SH3TC1: variants seen among roughly 807,000 people sequenced by gnomAD.
The protein encoded by SH3TC1 is SH3 domain and tetratricopeptide repeats 1, also known as SH3 domain and tetratricopeptide repeat-containing protein 1.
Under a neutral mutation model 117.3 loss-of-function variants are expected in SH3TC1, and 135 were observed. The ratio of observed to expected loss-of-function variants is 1.15; its 90% CI spans 1.00 to 1.33. The LOEUF (loss-of-function observed/expected upper bound fraction) is 1.33. SH3TC1 is among the 40% of genes most tolerant of loss of function. The pLI is 0.00. For synonymous variants in SH3TC1, 898 were observed against 816.9 expected (o/e 1.10, Z -1.69); for missense variants, 2,092 against 1,794.3 (o/e 1.17, Z -3.00).
intron 17 of SH3TC1, among the ~76,000 whole-genome samples, chr4:8,239,949 CG>C (rs1409863325): frequency 1.3e-5 from 2 of 152,218 alleles, no homozygotes; most frequent in Admixed American, 6.5e-5. Context: ...GTGTGTGGGG[CG>C]GGGCCGTGAG....
rs201960498 is a variant in SH3TC1 at position 8,227,720 on chromosome 4, G to A, written c.2026G>A (p.Val676Met). The A allele has an allele frequency of 1.7e-5, 27 of 1,584,664 alleles. No individual in the cohort carries two copies. The East Asian group carries it at 2.2e-4, about 13-fold the overall frequency. ...CTGCTTCCTGCTGGCCAGGCACCAC[G>A]TGCACCTCAAGCAGCCCGAGGAGGC... is the stretch of plus-strand genomic sequence containing the variant. Reference protein sequence around the residue: ...RACFLLARHHVHLKQPEEALP... With the variant: ...RACFLLARHHMHLKQPEEALP... The change falls in exon 12 of 18, where the codon GTG becomes ATG. Residue 676 changes from valine (V) to methionine (M), a missense_variant. Coordinates refer to ENST00000245105, the MANE Select transcript of SH3TC1 (RefSeq NM_018986.5).
chr4:8,219,142 G>A (rs1719641291), intron 8 of SH3TC1, among the ~76,000 whole-genome samples, 193 bp from the exon 9 acceptor site: 1 of 152,212 alleles, frequency 6.6e-6, no homozygotes, highest in Non-Finnish European at 1.5e-5. Flanking sequence ...CTTCAACAGA[G>A]GGATAAAAAC....
chr4:8,234,723 A>G (rs990344398), intron 14 of SH3TC1, among the ~76,000 whole-genome samples: 5 of 152,094 alleles, frequency 3.3e-5, no homozygotes, highest in African/African-American at 1.2e-4. Flanking sequence ...ATCCTCCCCC[A>G]ATGGCCAGCA....
Position 8,232,087 on chromosome 4 carries a change from CCGA to C in SH3TC1, c.3064_3066del (p.Asp1022del), listed in dbSNP as rs774050340. ...CAGCTCTCCCTGGCCTGCAAGGTGG[CCGA>C]CAAGGTGCTGGAGGGGCAGCTCCTG... On this transcript the variant is annotated inframe_deletion, in exon 13 of 18. Transcript: ENST00000245105. 1.0e-4 allele frequency: 168 copies of C among 1,613,268 alleles called. No homozygotes were observed. The highest frequency in any genetic ancestry group is 1.6e-4 in the Middle Eastern group (1 of 6,062).
rs1212761480 is a variant in SH3TC1, at chr4:8,217,158, C to T, written c.830C>T (p.Pro277Leu). ...GCGGCCGCCCCGGAGCCTTTGATTCCATTTCATCAGTAGGTACCGGCCTTT... is the reference window on the plus strand; with the variant it reads ...GCGGCCGCCCCGGAGCCTTTGATTCTATTTCATCAGTAGGTACCGGCCTTT... ...AVAAAPEPLI[P>L]FHQWALRIPQ... The change falls in exon 7 of 18, where the codon CCA becomes CTA. Residue 277 changes from proline (P) to leucine (L), a missense_variant. By Grantham distance (98) the Pro-to-Leu change is moderately conservative. Transcript: ENST00000245105. 1.2e-6 allele frequency: 2 copies of T among 1,607,774 alleles called. No homozygotes were observed. Among genetic ancestry groups the T allele is most frequent in the East Asian group, 2.2e-5 (1 of 44,578 alleles).
intron 8 of SH3TC1, 37 bp from the exon 9 acceptor site, chr4:8,219,298 G>A (rs753033560): frequency 2.0e-6 from 3 of 1,506,668 alleles, no homozygotes; most frequent in Admixed American, 4.3e-5. Context: ...CCCCCATTTG[G>A]TCTCCCTGGC....
At chr4:8,233,194 T>C in intron 13 of SH3TC1, 169 bp from the exon 14 acceptor site, 15 of 1,403,810 alleles carry the variant, frequency 1.1e-5, no homozygotes, top group Non-Finnish European at 1.3e-5. Context: ...CCTTGCCGTG[T>C]GTGTTCAACC....
In SH3TC1 at chr4:8,209,736, G is replaced by A. The variant is rs777895611; in HGVS notation, c.173-12G>A. On this transcript the variant is annotated splice_polypyrimidine_tract_variant and intron_variant, in intron 2 of 17. Coordinates refer to ENST00000245105, the MANE Select transcript of SH3TC1 (RefSeq NM_018986.5). This position sits in a 1 kb window ranked among gnomAD's most constrained non-coding sequence, Gnocchi z 5.9. ...TGGTCTCCCCTAATCCTGGGAACCT[G>A]CTGTGTTGCAGACGAGGCTCCTCCT... The A allele has an allele frequency of 6.2e-7, 1 of 1,613,754 alleles. No homozygotes were observed. The highest frequency in any genetic ancestry group is 2.2e-5 in the East Asian group (1 of 44,868).
chr4:8,227,396 C>T lies in SH3TC1; in HGVS notation c.1702C>T (p.Arg568Trp), dbSNP rs148384602. The change falls in exon 12 of 18, where the codon CGG (arginine) becomes TGG (tryptophan). Residue 568 changes from arginine (R) to tryptophan (W), a missense_variant. By Grantham distance (101) the Arg-to-Trp change is moderately radical. Transcript: ENST00000245105. ...GGCCAGGCTCTGCTTCCTCCTGGGG[C>T]GGCTGTGCAGCAGGAGGCTCAAGCT... ...ALARLCFLLG[R>W]LCSRRLKLSQ... 5.5e-5 allele frequency: 85 copies of T among 1,551,826 alleles called. No individual in the cohort carries two copies. Among genetic ancestry groups the T allele is most frequent in the East Asian group, 6.8e-5 (3 of 44,224 alleles).
intron 14 of SH3TC1, 33 bp from the exon 15 acceptor site, chr4:8,235,400 G>T (rs773031394): frequency 6.9e-7 from 1 of 1,453,798 alleles, no homozygotes; most frequent in Non-Finnish European, 9.1e-7. Context: ...CTCACCAGGT[G>T]TGGGTCTTGA....
intron 7 of SH3TC1, among the ~76,000 whole-genome samples, 157 bp downstream of exon 7, chr4:8,217,324 G>A (rs865969379): frequency 2.6e-5 from 4 of 152,302 alleles, no homozygotes; most frequent in Middle Eastern, 3.4e-3. Flanking sequence ...GTGTGGCCTC[G>A]GCAATTTGGC....
intron 1 of SH3TC1, among the ~76,000 whole-genome samples, chr4:8,193,467 A>T (rs1220875460): frequency 6.6e-6 from 1 of 151,940 alleles, no homozygotes; most frequent in African/African-American, 2.4e-5. Flanking sequence ...GAAACCCTTT[A>T]CGCCCCTGCT....
intron 11 of SH3TC1, among the ~76,000 whole-genome samples, chr4:8,226,550 A>G (rs527570799): frequency 1.4e-4 from 22 of 152,310 alleles, no homozygotes; most frequent in African/African-American, 5.1e-4. Flanking sequence ...TACCCCATCG[A>G]GGGGCCCAGT....
Position 8,240,922 on chromosome 4 carries a change from G to A in SH3TC1, c.3978G>A (p.Trp1326Ter), listed in dbSNP as rs754993761. The change falls in exon 18 of 18, where the codon TGG becomes TGA. Residue 1326 changes from tryptophan to a stop codon, truncating the protein, a stop_gained. Transcript: ENST00000245105. LOFTEE classifies it high-confidence loss of function. ...VNLPPLPLCG[W>*]APWLAPSHPR Reference sequence around the variant, plus strand: ...TGCCTCCTCTGCCACTCTGCGGGTGGGCCCCCTGGTTGGCCCCCAGCCACC... The same window carrying A: ...TGCCTCCTCTGCCACTCTGCGGGTGAGCCCCCTGGTTGGCCCCCAGCCACC... 1.2e-6 allele frequency: 2 copies of A among 1,612,274 alleles called. No individual in the cohort carries two copies. The highest frequency in any genetic ancestry group is 1.7e-6 in the Non-Finnish European group (2 of 1,179,998).
Position 8,215,546 on chromosome 4 carries a change from A to G in SH3TC1, c.482-565A>G, listed in dbSNP as rs150646642. Among the ~76,000 whole-genome samples, 227 of 152,224 alleles carry G rather than the reference A, an allele frequency of 1.5e-3. 1 individual carries two copies. The highest frequency in any genetic ancestry group is 5.2e-3 in the African/African-American group (218 of 41,528). The stretch of plus-strand genomic sequence containing the variant: ...CAGGCTTCCTGTCTCCCTCTTTCAG[A>G]GTCCACTCTACGCTGAGTGTGGAGG... On this transcript the variant is annotated intron_variant, in intron 5 of 17. Coordinates refer to ENST00000245105, the MANE Select transcript of SH3TC1 (RefSeq NM_018986.5).
chr4:8,199,884 C>T (rs554557074), intron 1 of SH3TC1, among the ~76,000 whole-genome samples: 8 of 152,346 alleles, frequency 5.3e-5, no homozygotes, highest in South Asian at 2.1e-4. Context: ...ACTCTGATGC[C>T]GCCACCTGGG....
At position 8,190,114 on chromosome 4, in the gene SH3TC1, C is replaced by T. The variant is rs1204588184; in HGVS notation, c.-57+7904C>T. ...TGCTGGGAGGCGGCAGCACTGGCCG[C>T]AGGTGCCTGCGATCACCAGTGTGCT... is the stretch of plus-strand genomic sequence containing the variant. On this transcript the variant is annotated intron_variant, in intron 1 of 16. Coordinates refer to the SH3TC1 transcript ENST00000508641. This position sits in a 1 kb window ranked among gnomAD's most constrained non-coding sequence, Gnocchi z 4.7. 6.6e-6 allele frequency among the ~76,000 whole-genome samples: 1 copy of T among 152,214 alleles called. No individual in the cohort carries two copies. Among genetic ancestry groups the T allele is most frequent in the African/African-American group, 2.4e-5 (1 of 41,460 alleles).
At chr4:8,216,041 A>C in intron 5 of SH3TC1, 70 bp from the exon 6 acceptor site, 1 of 1,575,722 alleles carries the variant, frequency 6.3e-7, no homozygotes, top group Non-Finnish European at 8.6e-7. Flanking sequence ...CCGACCTGGG[A>C]CCACACAGGC....
intron 10 of SH3TC1, chr4:8,224,564 T>C (rs150971773): frequency 3.3e-5 from 5 of 152,974 alleles, no homozygotes; most frequent in Admixed American, 1.3e-4. Context: ...TTCACAGCGC[T>C]TGACGCTGTC....
Sources: gnomAD v4.1 joint callset for allele counts (sites outside exome capture counted in the v4.1 genomes callset) on GRCh38, gnomAD v4.1.1 for gene constraint, Gnocchi (gnomAD v3.1) non-coding constraint, MANE v1.5 for transcripts, NCBI Gene and HGNC (gene_info 2026-07-23, HGNC 2026-07-21) for gene names.